Variants in TRIO observed in about 807,000 individuals in gnomAD.
TRIO encodes the protein trio Rho guanine nucleotide exchange factor, also known as triple functional domain protein.
A neutral mutation model predicts 351.9 loss-of-function variants in TRIO; 58 were observed. The ratio of observed to expected loss-of-function variants is 0.16; its 90% CI spans 0.13 to 0.21. The LOEUF (loss-of-function observed/expected upper bound fraction) is 0.21. Ranked by LOEUF, TRIO falls within the 10% of genes least tolerant of loss-of-function variation. TRIO has a pLI of 1.00. For synonymous variants in TRIO, 1,758 were observed against 1,595.7 expected (o/e 1.10, Z -2.42); for missense variants, 3,201 against 4,027.8 (o/e 0.79, Z 5.56).
chr5:14,488,355 C>T, intron 48 of TRIO, 95 bp downstream of exon 48: 1 of 1,465,158 alleles, frequency 6.8e-7, no homozygotes, highest in Non-Finnish European at 9.0e-7. Flanking sequence ...ACTCGGCTGC[C>T]CAGCGCTCTC....
At chr5:14,454,950 G>A (rs1753151410) in intron 34 of TRIO, among the ~76,000 whole-genome samples, 1 of 152,118 alleles carries the variant, frequency 6.6e-6, no homozygotes, top group African/African-American at 2.4e-5. Flanking sequence ...CCTTCGCGGT[G>A]AGTGTTACAG....
In TRIO at chr5:14,316,657, C is replaced by T; in HGVS notation, c.1645C>T (p.Arg549Trp). 1.2e-6 allele frequency: 2 copies of T among 1,614,182 alleles called. No homozygotes were observed. The highest frequency in any genetic ancestry group is 1.7e-6 in the Non-Finnish European group (2 of 1,180,036). The change falls in exon 9 of 57, where the codon CGG (arginine) becomes TGG (tryptophan). Residue 549 changes from arginine to tryptophan, a missense_variant. Transcript: ENST00000344204. ...CATCCACGAGGTGCTGCACCACCAG[C>T]GGCAGCTGGAGAACATCTGGCAACA... is the stretch of plus-strand genomic sequence containing the variant. ...DVIHEVLHHQ[R>W]QLENIWQHRK...
intron 34 of TRIO, chr5:14,440,956 G>A (rs27116): frequency 0.16 from 25,068 of 152,182 alleles, 2,140 homozygotes; most frequent in Middle Eastern, 0.26. Flanking sequence ...GTGGTAGAAT[G>A]AAATCCACCG....
rs771396915 is a variant in TRIO, at chr5:14,286,806, G to A, written c.348-65G>A. On this transcript the variant is annotated intron_variant, in intron 3 of 56. Coordinates refer to ENST00000344204, the MANE Select transcript of TRIO (RefSeq NM_007118.4). This position sits in a 1 kb window ranked among gnomAD's most constrained non-coding sequence, Gnocchi z 4.4. ...AAGCTGGGTCTGTGGCACCCAGTGG[G>A]ACTCTGACCAGGCAGAGTGGCAAGA... The A allele has an allele frequency of 2.2e-5, 34 of 1,532,152 alleles. No homozygotes were observed. The highest frequency in any genetic ancestry group is 2.8e-5 in the Non-Finnish European group (32 of 1,131,542). The allele number at this position is 1,532,152 out of a possible 1,614,324, so 94.9% of individuals were successfully genotyped here.
chr5:14,491,333 C>T (rs1756466616), intron 48 of TRIO, among the ~76,000 whole-genome samples: 1 of 152,198 alleles, frequency 6.6e-6, no homozygotes, highest in Admixed American at 6.5e-5. Context: ...CCAGGATCTG[C>T]CCAGGGCGTC....
chr5:14,279,732 G>T (rs150355473), intron 2 of TRIO, among the ~76,000 whole-genome samples: 269 of 152,302 alleles, frequency 1.8e-3, no homozygotes, highest in African/African-American at 6.1e-3. Context: ...AAGCTAATTA[G>T]CTTTAAAATT....
In TRIO at chr5:14,450,420, G is replaced by T. The variant is rs531845847; in HGVS notation, c.5204-10599G>T. ...GCTCCCCACTGAATTTGTGGGAGGG[G>T]CTGCGCAGGGAACGGTGGAAGTGTT... On this transcript the variant is annotated intron_variant, in intron 34 of 56. Coordinates refer to ENST00000344204, the MANE Select transcript of TRIO (RefSeq NM_007118.4). 6.6e-5 allele frequency among the ~76,000 whole-genome samples: 10 copies of T among 152,282 alleles called. No homozygotes were observed. The South Asian group carries it at 2.1e-3, about 32-fold the overall frequency.
chr5:14,348,660 T>C (rs543742327), intron 11 of TRIO, among the ~76,000 whole-genome samples: 8 of 144,682 alleles, frequency 5.5e-5, no homozygotes, highest in African/African-American at 2.0e-4. Flanking sequence ...GTTTTTCCTG[T>C]GTGTATATGT....
chr5:14,280,001 G>A lies in TRIO; in HGVS notation c.233-321G>A, dbSNP rs1735858721. 3.3e-5 allele frequency among the ~76,000 whole-genome samples: 5 copies of A among 152,204 alleles called. No homozygotes were observed. In the South Asian group the frequency reaches 6.2e-4, roughly 19 times the overall value. ...TGTGAGGGAGGTGGTTGTCTGAGGT[G>A]AGTGAAACACATGGACGTGACAACT... On this transcript the variant is annotated intron_variant, in intron 2 of 56. Transcript: ENST00000344204.
chr5:14,357,775 C>T (rs558687232), intron 11 of TRIO, among the ~76,000 whole-genome samples: 2 of 152,278 alleles, frequency 1.3e-5, no homozygotes, highest in South Asian at 2.1e-4. Flanking sequence ...CAAGTGTCCA[C>T]CTGCTAAGTA....
chr5:14,372,782 G>A (rs1320895819), intron 18 of TRIO, among the ~76,000 whole-genome samples: 2 of 152,180 alleles, frequency 1.3e-5, no homozygotes, highest in Non-Finnish European at 2.9e-5. Flanking sequence ...ATCCATAGGA[G>A]CCCTTTCAAG....
At position 14,318,520 on chromosome 5, in the gene TRIO, C is replaced by G. The variant is rs560929767; in HGVS notation, c.1731+1777C>G. 9.4e-5 allele frequency among the ~76,000 whole-genome samples: 14 copies of G among 149,472 alleles called. No individual in the cohort carries two copies. In the South Asian group the frequency reaches 1.3e-3, roughly 13 times the overall value. Reference sequence around the variant, plus strand: ...AATTTTCATATACCGTGCTTTGATTCTAATTTTATTTTTTGAGTTCTCTGA... The same window carrying G: ...AATTTTCATATACCGTGCTTTGATTGTAATTTTATTTTTTGAGTTCTCTGA... On this transcript the variant is annotated intron_variant, in intron 9 of 56. Transcript: ENST00000344204.
chr5:14,364,875 A>T, intron 15 of TRIO, 59 bp downstream of exon 15: 1 of 1,528,848 alleles, frequency 6.5e-7, no homozygotes, highest in Non-Finnish European at 8.8e-7. Flanking sequence ...TACCTCATCG[A>T]CTTCCCGGAA....
rs956988763 is a variant in TRIO at position 14,393,984 on chromosome 5, A to G, written c.4219-54A>G. On this transcript the variant is annotated intron_variant, in intron 27 of 56. Transcript: ENST00000344204. ...AAAAGTAATGTGTTTTATGGCCATG[A>G]TTTAATAGTGTAGCCCTATGATAAC... 16 of 1,232,494 alleles carry G rather than the reference A, an allele frequency of 1.3e-5. 1 individual carries two copies. In the Admixed American group the frequency reaches 2.6e-4, roughly 20 times the overall value. 76.3% of individuals were successfully genotyped at this position (1,232,494 alleles called of 1,614,324 possible).
intron 1 of TRIO, among the ~76,000 whole-genome samples, chr5:14,245,047 A>C (rs1794351110): frequency 6.6e-6 from 1 of 152,242 alleles, no homozygotes; most frequent in Non-Finnish European, 1.5e-5. Flanking sequence ...GTAAAATATT[A>C]CTGACAGACT....
intron 55 of TRIO, among the ~76,000 whole-genome samples, chr5:14,505,881 T>G (rs925814063): frequency 2.6e-5 from 4 of 152,190 alleles, no homozygotes; most frequent in Non-Finnish European, 4.4e-5. Context: ...TGGGGCGCAG[T>G]GAGGCTGAGC....
At chr5:14,446,965 T>C (rs951073504) in intron 34 of TRIO, among the ~76,000 whole-genome samples, 9 of 152,206 alleles carry the variant, frequency 5.9e-5, no homozygotes, top group African/African-American at 1.7e-4. Flanking sequence ...GCGTGGTGGC[T>C]CACACCTGTA....
At chr5:14,410,392 A>G (rs1385299413) in intron 33 of TRIO, among the ~76,000 whole-genome samples, 1 of 152,226 alleles carries the variant, frequency 6.6e-6, no homozygotes, top group Non-Finnish European at 1.5e-5. Flanking sequence ...TTGAAAATCA[A>G]GGACTCCATC....
At chr5:14,182,099 A>ATTTTT (rs61476674) in intron 1 of TRIO, among the ~76,000 whole-genome samples, 1 of 150,724 alleles carries the variant, frequency 6.6e-6, no homozygotes, top group Non-Finnish European at 1.5e-5. Context: ...TTTGAAGGGC[A>ATTTTT]TTTTTTTTTT....
Sources: gnomAD v4.1 joint callset for allele counts (sites outside exome capture counted in the v4.1 genomes callset) on GRCh38, gnomAD v4.1.1 for gene constraint, Gnocchi (gnomAD v3.1) non-coding constraint, MANE v1.5 for transcripts, NCBI Gene and HGNC (gene_info 2026-07-23, HGNC 2026-07-21) for gene names.